PCDH7: variants seen among roughly 807,000 people sequenced by gnomAD.
PCDH7 encodes protocadherin 7.
In PCDH7, 17 loss-of-function variants were observed where a neutral mutation model predicts 58.9. The ratio of observed to expected loss-of-function variants is 0.29; its 90% CI spans 0.20 to 0.43. The LOEUF is 0.43. Among genes scored for constraint, PCDH7 ranks in the 20% least tolerant of loss-of-function variants. The pLI, the probability that PCDH7 is intolerant of heterozygous loss-of-function variation, is 1.00. For synonymous variants in PCDH7, 664 were observed against 616.4 expected (o/e 1.08, Z -1.14); for missense variants, 1,274 against 1,441.0 (o/e 0.88, Z 1.88).
intron 1 of PCDH7, among the ~76,000 whole-genome samples, chr4:30,784,706 G>T (rs1309751260): frequency 6.6e-6 from 1 of 151,800 alleles, no homozygotes; most frequent in Non-Finnish European, 1.5e-5. Flanking sequence ...GAAAAGAAGA[G>T]AAATACTATT....
intron 3 of PCDH7, among the ~76,000 whole-genome samples, chr4:31,035,809 G>A (rs1303695182): frequency 6.6e-6 from 1 of 152,164 alleles, no homozygotes; most frequent in Non-Finnish European, 1.5e-5. Flanking sequence ...GTTCCTTGAG[G>A]ATGTGGAAGG....
chr4:30,976,822 G>C (rs996570994), intron 3 of PCDH7, among the ~76,000 whole-genome samples: 10 of 152,082 alleles, frequency 6.6e-5, no homozygotes, highest in African/African-American at 2.4e-4. Flanking sequence ...AAAATTCATG[G>C]TTAAACAAGA....
Position 30,724,556 on chromosome 4 carries a change from C to G in PCDH7, c.3134C>G (p.Ser1045Cys), listed in dbSNP as rs376671812. 17 of 1,614,068 alleles carry G rather than the reference C, an allele frequency of 1.1e-5. No individual in the cohort carries two copies. In the African/African-American group the frequency reaches 2.3e-4, roughly 22 times the overall value. ...ATTTCAATTGGATCAGATCACTGCTCTGAGTACAGCTGTCAAACCAATAAC... is the reference window on the plus strand; with the variant it reads ...ATTTCAATTGGATCAGATCACTGCTGTGAGTACAGCTGTCAAACCAATAAC... Residue 1045 changes from serine (S) to cysteine (C), a missense_variant, in exon 1 of 2, where the codon TCT (serine) becomes TGT (cysteine). Physicochemically the swap from Ser to Cys is moderately radical, Grantham distance 112. Coordinates refer to ENST00000361762, the Ensembl canonical transcript of PCDH7.
intron 1 of PCDH7, among the ~76,000 whole-genome samples, chr4:30,760,085 G>A (rs534678615): frequency 2.6e-5 from 4 of 152,146 alleles, no homozygotes; most frequent in East Asian, 3.9e-4. Flanking sequence ...TAAGAAGTAC[G>A]GTAGTTAAGC....
chr4:30,979,960 T>C (rs1378631667), intron 3 of PCDH7, among the ~76,000 whole-genome samples: 1 of 152,196 alleles, frequency 6.6e-6, no homozygotes, highest in Non-Finnish European at 1.5e-5. Context: ...ACCCTGACAC[T>C]ATGGTGGGAC....
At chr4:30,751,699 GTGC>G (rs1718547385) in intron 1 of PCDH7, among the ~76,000 whole-genome samples, 2 of 152,022 alleles carry the variant, frequency 1.3e-5, no homozygotes, top group African/African-American at 4.8e-5. Context: ...TGCTTTGTAG[GTGC>G]TTAATAATGC....
At chr4:31,125,947 G>T (rs569673942) in intron 3 of PCDH7, among the ~76,000 whole-genome samples, 1 of 152,174 alleles carries the variant, frequency 6.6e-6, no homozygotes, top group South Asian at 2.1e-4. Context: ...GTATAATATT[G>T]TGATTAAGGG....
chr4:31,125,623 C>T (rs985627997), intron 3 of PCDH7, among the ~76,000 whole-genome samples: 1 of 152,134 alleles, frequency 6.6e-6, no homozygotes, highest in Non-Finnish European at 1.5e-5. Flanking sequence ...AGGCTAATGA[C>T]ATTCAGTACA....
intron 3 of PCDH7, among the ~76,000 whole-genome samples, chr4:30,952,772 G>GT (rs1381188753): frequency 6.6e-6 from 1 of 152,044 alleles, no homozygotes; most frequent in Non-Finnish European, 1.5e-5. Context: ...TGTGACAACA[G>GT]TTTTTTTGAG....
At chr4:30,855,013 A>G (rs998659731) in intron 1 of PCDH7, among the ~76,000 whole-genome samples, 1 of 152,156 alleles carries the variant, frequency 6.6e-6, no homozygotes, top group African/African-American at 2.4e-5. Context: ...ACGTTGGCTC[A>G]AGCTTCTTTT....
intron 3 of PCDH7, among the ~76,000 whole-genome samples, chr4:31,099,059 A>G (rs970690767): frequency 6.6e-6 from 1 of 152,172 alleles, no homozygotes; most frequent in African/African-American, 2.4e-5. Flanking sequence ...CCTTATCTCC[A>G]ATACAGTCAT....
chr4:30,965,798 T>C lies in PCDH7; in HGVS notation c.*7+15583T>C, dbSNP rs534483208. Among the ~76,000 whole-genome samples, 17 of 152,216 alleles carry C rather than the reference T, an allele frequency of 1.1e-4. No individual in the cohort carries two copies. In the South Asian group the frequency reaches 3.5e-3, roughly 32 times the overall value. On this transcript the variant is annotated intron_variant, in intron 3 of 3. Coordinates refer to the PCDH7 transcript ENST00000509759. Reference sequence around the variant, plus strand: ...AAAAACAAAATAATACCTGAAGTTTTATAGTATTTCAAGCAGAAAAGGTTT... The same window carrying C: ...AAAAACAAAATAATACCTGAAGTTTCATAGTATTTCAAGCAGAAAAGGTTT...
chr4:30,910,290 C>G (rs1741555359), intron 1 of PCDH7, among the ~76,000 whole-genome samples: 1 of 152,044 alleles, frequency 6.6e-6, no homozygotes, highest in African/African-American at 2.4e-5. Flanking sequence ...ACTAAAACAC[C>G]AAAAGCAATT....
chr4:31,017,674 G>A (rs1271408956), intron 3 of PCDH7, among the ~76,000 whole-genome samples: 4 of 152,058 alleles, frequency 2.6e-5, no homozygotes, highest in African/African-American at 9.7e-5. Flanking sequence ...TGAAAGCAGT[G>A]TCATCTATTT....
chr4:30,905,335 T>C (rs1241644539), intron 1 of PCDH7, among the ~76,000 whole-genome samples: 1 of 152,160 alleles, frequency 6.6e-6, no homozygotes, highest in Non-Finnish European at 1.5e-5. Flanking sequence ...TCCAACTGTG[T>C]AATTTACCAT....
intron 1 of PCDH7, among the ~76,000 whole-genome samples, chr4:30,909,075 A>G (rs1741380714): frequency 6.6e-6 from 1 of 152,204 alleles, no homozygotes; most frequent in Non-Finnish European, 1.5e-5. Context: ...ACCAATGACG[A>G]AAATGACATG....
chr4:30,781,023 A>G (rs1722707968), intron 1 of PCDH7, among the ~76,000 whole-genome samples: 2 of 152,162 alleles, frequency 1.3e-5, no homozygotes, highest in South Asian at 4.1e-4. Flanking sequence ...TAGTTTTACC[A>G]TTTCAAAAGA....
At chr4:30,876,129 G>A (rs939224981) in intron 1 of PCDH7, among the ~76,000 whole-genome samples, 2 of 152,082 alleles carry the variant, frequency 1.3e-5, no homozygotes, top group South Asian at 4.1e-4. Context: ...CTAATTCCTG[G>A]CCACTCACAT....
At chr4:30,734,960 T>C (rs913745788), downstream of PCDH7, among the ~76,000 whole-genome samples, 1 of 152,096 alleles carries the variant, frequency 6.6e-6, no homozygotes, top group Admixed American at 6.5e-5. Flanking sequence ...CTTCCTTGTG[T>C]GGTGTGTGAC....
Sources: allele counts gnomAD v4.1 joint callset (sites outside exome capture counted in the v4.1 genomes callset), GRCh38; gene constraint gnomAD v4.1.1; transcripts MANE v1.5; gene names NCBI Gene and HGNC (gene_info 2026-07-23, HGNC 2026-07-21).